Variants in TNS1 observed in about 807,000 individuals in gnomAD.
TNS1 encodes the protein tensin 1.
TNS1 carries 62 observed loss-of-function variants against 168.6 expected under a neutral mutation model. The ratio of observed to expected loss-of-function variants is 0.37; its 90% CI spans 0.30 to 0.45. TNS1 has a LOEUF of 0.45. TNS1 is among the 20% of genes least tolerant of loss of function. The pLI is 1.00. For synonymous variants in TNS1, 934 were observed against 933.2 expected (o/e 1.00, Z -0.02); for missense variants, 2,240 against 2,339.4 (o/e 0.96, Z 0.88).
intron 22 of TNS1, among the ~76,000 whole-genome samples, chr2:217,827,495 C>T (rs889127332): frequency 2.6e-5 from 4 of 152,284 alleles, no homozygotes; most frequent in Non-Finnish European, 5.9e-5. Context: ...CAGCTTTGCT[C>T]CCTGCCCCTT....
chr2:217,848,163 G>GGCTGCT lies in TNS1; in HGVS notation c.2348_2353dup (p.Gln783_Gln784dup), dbSNP rs3839056. 0.014 allele frequency: 20,347 copies of GGCTGCT among 1,502,164 alleles called. 383 individuals are homozygous for GGCTGCT. Among genetic ancestry groups the GGCTGCT allele is most frequent in the African/African-American group, 0.1 (7,321 of 71,848 alleles). 93.1% of individuals were successfully genotyped at this position (1,502,164 alleles called of 1,614,324 possible). On this transcript the variant is annotated inframe_insertion, in exon 19 of 33. Transcript: ENST00000682258. Reference sequence around the variant, plus strand: ...TTCCTGCTGGCGTGGAGGTGGGCGAGGCTGCTGCTGCTGCTGCTGCTGCTG... The same window carrying GGCTGCT: ...TTCCTGCTGGCGTGGAGGTGGGCGAGGCTGCTGCTGCTGCTGCTGCTGCTGCTGCTG...
intron 1 of TNS1, among the ~76,000 whole-genome samples, chr2:218,031,078 T>C (rs62642773): frequency 6.7e-6 from 1 of 148,246 alleles, no homozygotes; most frequent in Admixed American, 6.7e-5. Context: ...ATGTGTGTGT[T>C]TGTGAGTGTG....
chr2:217,819,119 C>T (rs1942418525), intron 23 of TNS1, among the ~76,000 whole-genome samples: 1 of 152,218 alleles, frequency 6.6e-6, no homozygotes, highest in South Asian at 2.1e-4. Flanking sequence ...CATGTTATAG[C>T]CTCCAGCATC....
At chr2:217,811,319 A>G (rs1940854421) in intron 28 of TNS1, among the ~76,000 whole-genome samples, 1 of 152,226 alleles carries the variant, frequency 6.6e-6, no homozygotes, top group Non-Finnish European at 1.5e-5. Context: ...ATTCCATAGG[A>G]ATATAATTCA....
chr2:217,861,304 G>A (rs568008174), intron 18 of TNS1, among the ~76,000 whole-genome samples: 2 of 152,238 alleles, frequency 1.3e-5, no homozygotes, highest in East Asian at 1.9e-4. Context: ...AATGAGACGT[G>A]CCTGCCCTCC....
At position 217,965,947 on chromosome 2, in the gene TNS1, T is replaced by C. The variant is rs779784078; in HGVS notation, c.186+12818A>G. Among the ~76,000 whole-genome samples the C allele has an allele frequency of 2.6e-4, 39 of 152,094 alleles. 1 individual carries two copies. The highest frequency in any genetic ancestry group is 1.3e-3 in the South Asian group (6 of 4,788). The stretch of plus-strand genomic sequence containing the variant: ...CCTGCTCAGTGGGACTCCACTGGTC[T>C]TTGTTCCCTCTAGCGTGCTTCATCC... On this transcript the variant is annotated intron_variant, in intron 3 of 32. Coordinates refer to ENST00000682258, the MANE Select transcript of TNS1 (RefSeq NM_001387777.1).
intron 4 of TNS1, among the ~76,000 whole-genome samples, chr2:217,917,987 A>T (rs75854421): frequency 0.025 from 3,865 of 152,118 alleles, 171 homozygotes; most frequent in African/African-American, 0.089. Context: ...AAACAGAATG[A>T]GTGAGGTGCT....
rs1170386352 is a variant in TNS1 at position 217,848,420 on chromosome 2, G to A, written c.2097C>T (p.His699=). Reference sequence around the variant, plus strand: ...AGTAGGAGGGCCGCATGGGGGCCGTGTGGCCAGCATGGGCAGGCCCCGCCC... The same window carrying A: ...AGTAGGAGGGCCGCATGGGGGCCGTATGGCCAGCATGGGCAGGCCCCGCCC... ...ASRAGPAHAG[H]TAPMRPSYSA... is the part of the protein sequence containing the mutation. The change falls in exon 19 of 33, where the codon CAC becomes CAT. Residue 699 remains histidine (H), a synonymous_variant. Coordinates refer to ENST00000682258, the MANE Select transcript of TNS1 (RefSeq NM_001387777.1). 6.2e-7 allele frequency: 1 copy of A among 1,603,390 alleles called. No individual in the cohort carries two copies. The highest frequency in any genetic ancestry group is 1.7e-5 in the Admixed American group (1 of 59,164).
In TNS1 at chr2:217,848,353, G is replaced by A. The variant is rs1360644108; in HGVS notation, c.2164C>T (p.His722Tyr). 1.3e-6 allele frequency: 2 copies of A among 1,541,132 alleles called. No individual in the cohort carries two copies. Among genetic ancestry groups the A allele is most frequent in the African/African-American group, 1.4e-5 (1 of 73,086 alleles). ...GLAGYQREGP[H>Y]PAWPQPVTTS... Reference sequence around the variant, plus strand: ...GTCACTGGCTGTGGCCAGGCTGGGTGGGGCCCCTCCCTCTGGTAGCCAGCT... The same window carrying A: ...GTCACTGGCTGTGGCCAGGCTGGGTAGGGCCCCTCCCTCTGGTAGCCAGCT... The change falls in exon 19 of 33, where the codon CAC (histidine) becomes TAC (tyrosine). Residue 722 changes from histidine (H) to tyrosine (Y), a missense_variant. Coordinates refer to ENST00000682258, the MANE Select transcript of TNS1 (RefSeq NM_001387777.1).
intron 3 of TNS1, among the ~76,000 whole-genome samples, chr2:217,928,769 T>A (rs1956165899): frequency 6.6e-6 from 1 of 151,360 alleles, no homozygotes; most frequent in Non-Finnish European, 1.5e-5. Context: ...AGCTGCCCAC[T>A]GCTTCCTCTT....
Position 217,897,926 on chromosome 2 carries a change from C to G in TNS1, c.415G>C (p.Asp139His). The change falls in exon 8 of 33, where the codon GAC (aspartate) becomes CAC (histidine). Residue 139 changes from aspartate to histidine, a missense_variant. Coordinates refer to ENST00000682258, the MANE Select transcript of TNS1 (RefSeq NM_001387777.1). ...ATCCTCTCTGTGACGTACACCAGGT[C>G]CAGCTCACAGCTGTCCTCCATGGTC... ...SRTMEDSCEL[D>H]LVYVTERIIA... 6.2e-7 allele frequency: 1 copy of G among 1,612,622 alleles called. No individual in the cohort carries two copies. The highest frequency in any genetic ancestry group is 8.5e-7 in the Non-Finnish European group (1 of 1,179,318).
intron 19 of TNS1, among the ~76,000 whole-genome samples, chr2:217,840,458 G>A (rs186358131): frequency 1.3e-5 from 2 of 152,252 alleles, no homozygotes; most frequent in African/African-American, 4.8e-5. Flanking sequence ...ACTATCATCT[G>A]TCCACTTCTC....
At chr2:217,970,776 C>G (rs560624918) in intron 3 of TNS1, among the ~76,000 whole-genome samples, 13 of 152,166 alleles carry the variant, frequency 8.5e-5, no homozygotes, top group Non-Finnish European at 1.9e-4. Flanking sequence ...TTCCGAGCTG[C>G]TGAAAATCTT....
upstream of TNS1, among the ~76,000 whole-genome samples, chr2:218,012,327 G>A (rs937175620): frequency 1.3e-5 from 2 of 152,184 alleles, no homozygotes; most frequent in Non-Finnish European, 2.9e-5. Context: ...AGGACAACAT[G>A]ACTTTTAAGA....
At chr2:217,976,928 G>A (rs1296524306) in intron 3 of TNS1, among the ~76,000 whole-genome samples, 4 of 152,242 alleles carry the variant, frequency 2.6e-5, no homozygotes, top group Non-Finnish European at 4.4e-5. Flanking sequence ...AAGGCCCAGG[G>A]ACAGAGAGCA....
intron 6 of TNS1, chr2:217,903,554 C>G: frequency 1.3e-6 from 2 of 1,527,098 alleles, no homozygotes; most frequent in Non-Finnish European, 1.8e-6. Context: ...GATTACAGAA[C>G]TTTTCATCCA....
intron 3 of TNS1, among the ~76,000 whole-genome samples, chr2:217,952,706 C>T (rs1957271259): frequency 6.6e-6 from 1 of 152,150 alleles, no homozygotes; most frequent in Non-Finnish European, 1.5e-5. Context: ...GAGGGACTGG[C>T]TAAAACAACA....
At chr2:217,885,299 C>A in intron 15 of TNS1, 135 bp from the exon 16 acceptor site, 2 of 1,257,924 alleles carry the variant, frequency 1.6e-6, no homozygotes, top group South Asian at 1.5e-5. Flanking sequence ...CTCATCAACA[C>A]CAAACAGGAT....
intron 18 of TNS1, among the ~76,000 whole-genome samples, chr2:217,878,215 C>G (rs1039035199): frequency 6.6e-6 from 1 of 152,200 alleles, no homozygotes; most frequent in Non-Finnish European, 1.5e-5. Flanking sequence ...CAGCACACCC[C>G]CCTCGCCTAA....
Sources: allele counts gnomAD v4.1 joint callset (sites outside exome capture counted in the v4.1 genomes callset), GRCh38; gene constraint gnomAD v4.1.1; transcripts MANE v1.5; gene names NCBI Gene and HGNC (gene_info 2026-07-23, HGNC 2026-07-21).